Variants in NR6A1 observed in about 807,000 individuals in gnomAD.
NR6A1 encodes the protein nuclear receptor subfamily 6 group A member 1, also known as retinoic acid receptor-related testis-associated receptor.
In NR6A1, 7 loss-of-function variants were observed where a neutral mutation model predicts 59.1. The ratio of observed to expected loss-of-function variants is 0.12; its 90% CI spans 0.07 to 0.22. The LOEUF (loss-of-function observed/expected upper bound fraction) is 0.22, where lower values mean the gene tolerates loss of function less well. Ranked by LOEUF, NR6A1 falls within the 10% of genes least tolerant of loss-of-function variation. The pLI is 1.00. For synonymous variants in NR6A1, 243 were observed against 236.1 expected (o/e 1.03, Z -0.27); for missense variants, 468 against 611.6 (o/e 0.77, Z 2.48).
At position 124,557,354 on chromosome 9, in the gene NR6A1, T is replaced by C; in HGVS notation, c.143-2784A>G. Among the ~76,000 whole-genome samples, 3 of 152,098 alleles carry C rather than the reference T, an allele frequency of 2.0e-5. 1 individual carries two copies. Among genetic ancestry groups the C allele is most frequent in the Non-Finnish European group, 4.4e-5 (3 of 68,008 alleles). ...TTCACCATGTTGGCCAGGCTGGTCT[T>C]GAACTCCTGACCTCGTGATCCACCC... On this transcript the variant is annotated intron_variant, in intron 2 of 9. Transcript: ENST00000487099.
At chr9:124,695,743 T>C (rs180929742) in intron 2 of NR6A1, among the ~76,000 whole-genome samples, 34 of 152,294 alleles carry the variant, frequency 2.2e-4, no homozygotes, top group South Asian at 6.2e-4. Context: ...AGTCTTGTTT[T>C]TCAAGATGCT....
chr9:124,706,970 C>A (rs1420756449), intron 2 of NR6A1, among the ~76,000 whole-genome samples: 4 of 152,004 alleles, frequency 2.6e-5, no homozygotes, highest in Non-Finnish European at 4.4e-5. Flanking sequence ...TCTCCTTGTC[C>A]TTATCTTTCC....
chr9:124,623,235 C>G lies in NR6A1; in HGVS notation c.143-68665G>C, dbSNP rs1261825105. Among the ~76,000 whole-genome samples, 3 of 151,910 alleles carry G rather than the reference C, an allele frequency of 2.0e-5. No individual in the cohort carries two copies. The East Asian group carries it at 5.8e-4, about 29-fold the overall frequency. On this transcript the variant is annotated intron_variant, in intron 2 of 9. Transcript: ENST00000487099. ...GTCAAGACTTGATCTTTGGACAGTT[C>G]TGAGTTTTCAAAGAGTTTGGGGGAA...
At position 124,683,071 on chromosome 9, in the gene NR6A1, G is replaced by A. The variant is rs1457639537; in HGVS notation, c.142+50237C>T. On this transcript the variant is annotated intron_variant, in intron 2 of 9. Transcript: ENST00000487099. ...AAATTTAAAAATTAGACATGGTGGT[G>A]CATACTTGCGATCCCAGTAACTTGG... is the stretch of plus-strand genomic sequence containing the variant. Among the ~76,000 whole-genome samples, 4 of 151,920 alleles carry A rather than the reference G, an allele frequency of 2.6e-5. No individual in the cohort carries two copies. In the East Asian group the frequency reaches 7.7e-4, roughly 29 times the overall value.
At chr9:124,637,839 C>CTGAGACTG (rs1312366910) in intron 2 of NR6A1, among the ~76,000 whole-genome samples, 1 of 140,362 alleles carries the variant, frequency 7.1e-6, no homozygotes, top group Non-Finnish European at 1.5e-5. Flanking sequence ...TTGCAGTGAG[C>CTGAGACTG]TGAGACTGTG....
At chr9:124,629,401 A>G (rs1310144430) in intron 2 of NR6A1, among the ~76,000 whole-genome samples, 2 of 122,988 alleles carry the variant, frequency 1.6e-5, no homozygotes, top group African/African-American at 5.7e-5. Context: ...AATTAGTTTC[A>G]AAACACATTT....
intron 2 of NR6A1, among the ~76,000 whole-genome samples, chr9:124,566,178 C>T (rs572397978): frequency 1.3e-5 from 2 of 152,088 alleles, no homozygotes; most frequent in Non-Finnish European, 2.9e-5. Context: ...GAAAGAAGTG[C>T]GAAAGCAAAG....
At chr9:124,756,196 G>A (rs1840626496) in intron 1 of NR6A1, among the ~76,000 whole-genome samples, 1 of 152,160 alleles carries the variant, frequency 6.6e-6, no homozygotes, top group Non-Finnish European at 1.5e-5. Context: ...TTTAACTCAA[G>A]ACAGCTTTTG....
rs563155184 is a variant in NR6A1, at chr9:124,615,186, T to C, written c.143-60616A>G. Among the ~76,000 whole-genome samples, 424 of 152,332 alleles carry C rather than the reference T, an allele frequency of 2.8e-3. 3 individuals carry two copies. The highest frequency in any genetic ancestry group is 9.5e-3 in the African/African-American group (393 of 41,578). ...CCAGGCTAATGCATTAAAAACTGCA[T>C]AGAATGTAATTCCATCATTACAATG... is the stretch of plus-strand genomic sequence containing the variant. On this transcript the variant is annotated intron_variant, in intron 2 of 9. Transcript: ENST00000487099.
chr9:124,740,437 C>T (rs1014936649), intron 1 of NR6A1, among the ~76,000 whole-genome samples: 3 of 151,808 alleles, frequency 2.0e-5, no homozygotes, highest in Middle Eastern at 3.4e-3. Context: ...TAGTCAATTG[C>T]AATTCAAGTC....
At chr9:124,745,514 A>T (rs1490220826) in intron 1 of NR6A1, among the ~76,000 whole-genome samples, 1 of 151,946 alleles carries the variant, frequency 6.6e-6, no homozygotes, top group South Asian at 2.1e-4. Flanking sequence ...TTTACTAAAA[A>T]TACAAAATTA....
intron 1 of NR6A1, among the ~76,000 whole-genome samples, chr9:124,748,609 C>T (rs1840402762): frequency 6.6e-6 from 1 of 152,090 alleles, no homozygotes; most frequent in Admixed American, 6.5e-5. Flanking sequence ...GCCTGTAATC[C>T]CAGCACTTTG....
At chr9:124,769,269 G>C (rs1338506699) in intron 1 of NR6A1, among the ~76,000 whole-genome samples, 1 of 135,502 alleles carries the variant, frequency 7.4e-6, no homozygotes, top group Non-Finnish European at 1.6e-5. Context: ...AAAAAAAAAA[G>C]AGCTCTGAAA....
At chr9:124,700,973 C>T (rs4836987) in intron 2 of NR6A1, among the ~76,000 whole-genome samples, 74,266 of 151,748 alleles carry the variant, frequency 0.49, 18,321 homozygotes, top group Admixed American at 0.6. Context: ...GTTGGCCAGG[C>T]GGGTCTCAAA....
rs1834500040 is a variant in NR6A1, at chr9:124,573,376, C to T, written c.143-18806G>A. On this transcript the variant is annotated intron_variant, in intron 2 of 9. Transcript: ENST00000487099. ...TAAGGCATTCACTACCTCACAACTA[C>T]ATAACAGCTTGGACTATTATTAAGT... is the stretch of plus-strand genomic sequence containing the variant. Among the ~76,000 whole-genome samples, 3 of 152,204 alleles carry T rather than the reference C, an allele frequency of 2.0e-5. No homozygotes were observed. The South Asian group carries it at 6.2e-4, about 32-fold the overall frequency.
Position 124,605,631 on chromosome 9 carries a change from T to C in NR6A1, c.143-51061A>G, listed in dbSNP as rs138745203. ...AAATAAACAAACAAACCCCACACTT[T>C]TAAAGGATAAGGATACATACTGGAA... On this transcript the variant is annotated intron_variant, in intron 2 of 9. Coordinates refer to ENST00000487099, the MANE Select transcript of NR6A1 (RefSeq NM_033334.4). 4.2e-3 allele frequency among the ~76,000 whole-genome samples: 636 copies of C among 152,200 alleles called. 3 individuals are homozygous for C. Among genetic ancestry groups the C allele is most frequent in the African/African-American group, 0.014 (580 of 41,526 alleles).
intron 8 of NR6A1, 128 bp from the exon 9 acceptor site, chr9:124,525,001 G>C (rs1397355198): frequency 9.4e-7 from 1 of 1,059,078 alleles, no homozygotes; most frequent in Non-Finnish European, 1.3e-6. Flanking sequence ...CACAACAGGA[G>C]ATCTCCTCTG....
intron 2 of NR6A1, among the ~76,000 whole-genome samples, chr9:124,559,182 TAGAA>T (rs1335854280): frequency 6.6e-6 from 1 of 152,130 alleles, no homozygotes; most frequent in Non-Finnish European, 1.5e-5. Flanking sequence ...TCTTAAGAGT[TAGAA>T]AAGGCCTTAG....
chr9:124,583,790 C>T (rs1458549640), intron 2 of NR6A1, among the ~76,000 whole-genome samples: 1 of 152,188 alleles, frequency 6.6e-6, no homozygotes, highest in East Asian at 1.9e-4. Context: ...GGATGACTTC[C>T]TGAGTGAGGC....
Sources: allele counts gnomAD v4.1 joint callset (sites outside exome capture counted in the v4.1 genomes callset), GRCh38; gene constraint gnomAD v4.1.1; transcripts MANE v1.5; gene names NCBI Gene and HGNC (gene_info 2026-07-23, HGNC 2026-07-21).